Variants in SRGAP1 observed in about 807,000 individuals in gnomAD.
SRGAP1 encodes SLIT-ROBO Rho GTPase-activating protein 1.
A neutral mutation model predicts 121.9 loss-of-function variants in SRGAP1; 43 were observed. The ratio of observed to expected loss-of-function variants is 0.35; its 90% CI spans 0.28 to 0.46. The LOEUF is 0.46. Ranked by LOEUF, SRGAP1 falls within the 20% of genes least tolerant of loss-of-function variation. SRGAP1 has a pLI of 1.00. For synonymous variants in SRGAP1, 447 were observed against 485.4 expected (o/e 0.92, Z 1.04); for missense variants, 1,102 against 1,350.9 (o/e 0.82, Z 2.89).
At chr12:64,028,751 T>A (rs1258201271) in intron 4 of SRGAP1, among the ~76,000 whole-genome samples, 1 of 152,238 alleles carries the variant, frequency 6.6e-6, no homozygotes, top group South Asian at 2.1e-4. Context: ...CTCCCATGAC[T>A]GATCACCCTG....
At chr12:64,097,956 C>T (rs958422858) in intron 15 of SRGAP1, among the ~76,000 whole-genome samples, 16 of 152,040 alleles carry the variant, frequency 1.1e-4, no homozygotes, top group African/African-American at 3.9e-4. Context: ...TCAGTGGGGG[C>T]TTTTTGACAC....
At position 64,091,299 on chromosome 12, in the gene SRGAP1, C is replaced by G; in HGVS notation, c.1460C>G (p.Pro487Arg). Reference protein sequence around the residue: ...TTRPPNVPPKPQKHRKSRPRS... With the variant: ...TTRPPNVPPKRQKHRKSRPRS... Reference sequence around the variant, plus strand: ...AGGCCTCCAAATGTTCCCCCTAAGCCCCAGAAACACAGGAAGTCCAGGCCC... The same window carrying G: ...AGGCCTCCAAATGTTCCCCCTAAGCGCCAGAAACACAGGAAGTCCAGGCCC... Residue 487 changes from proline to arginine, a missense_variant, in exon 12 of 22, where the codon CCC (proline) becomes CGC (arginine). Transcript: ENST00000355086. The G allele has an allele frequency of 6.2e-7, 1 of 1,609,098 alleles. No homozygotes were observed. Among genetic ancestry groups the G allele is most frequent in the East Asian group, 2.2e-5 (1 of 44,772 alleles).
At chr12:64,140,835 C>A (rs1214977383) in intron 21 of SRGAP1, among the ~76,000 whole-genome samples, 7 of 131,640 alleles carry the variant, frequency 5.3e-5, no homozygotes, top group Non-Finnish European at 1.1e-4. Flanking sequence ...ATGTTTATTG[C>A]GGCATTATTC....
chr12:64,033,749 CG>C (rs2136491244), intron 4 of SRGAP1, among the ~76,000 whole-genome samples: 1 of 151,706 alleles, frequency 6.6e-6, no homozygotes, highest in South Asian at 2.1e-4. Context: ...AGACTGGGTG[CG>C]ATGGCTCACG....
chr12:64,099,521 G>T (rs1209168282), intron 15 of SRGAP1, among the ~76,000 whole-genome samples: 2 of 152,142 alleles, frequency 1.3e-5, no homozygotes, highest in South Asian at 4.1e-4. Flanking sequence ...CTCCAGTTGG[G>T]TATGAATTTC....
At chr12:63,967,880 A>G (rs2032832943) in intron 1 of SRGAP1, among the ~76,000 whole-genome samples, 1 of 152,334 alleles carries the variant, frequency 6.6e-6, no homozygotes, top group East Asian at 1.9e-4. Context: ...CATCCTGAGA[A>G]ACAGTTCCAG....
intron 1 of SRGAP1, among the ~76,000 whole-genome samples, chr12:63,950,480 T>C (rs1340969500): frequency 1.3e-5 from 2 of 152,212 alleles, no homozygotes; most frequent in African/African-American, 4.8e-5. Context: ...AGTCCATCTC[T>C]GTTTTCTGGC....
intron 18 of SRGAP1, 70 bp from the exon 19 acceptor site, chr12:64,125,907 C>A: frequency 6.6e-7 from 1 of 1,512,706 alleles, no homozygotes; most frequent in South Asian, 1.3e-5. Flanking sequence ...CTCATAGAGC[C>A]CTCACAGATA....
intron 3 of SRGAP1, among the ~76,000 whole-genome samples, chr12:64,012,227 A>G (rs1468610192): frequency 6.6e-6 from 1 of 152,240 alleles, no homozygotes. Context: ...CAAAATGACA[A>G]TAAACAGTAA....
chr12:63,946,589 G>A (rs1299206890), intron 1 of SRGAP1, among the ~76,000 whole-genome samples: 3 of 146,638 alleles, frequency 2.0e-5, no homozygotes, highest in Admixed American at 7.0e-5. Context: ...TCTCGCCCAC[G>A]CTGGAGTGCA....
At chr12:63,886,648 T>G (rs192285231) in intron 1 of SRGAP1, among the ~76,000 whole-genome samples, 134 of 152,150 alleles carry the variant, frequency 8.8e-4, no homozygotes, top group African/African-American at 3.2e-3. Context: ...ATTTTTTTAT[T>G]TTTTGTAGAT....
At chr12:64,068,640 AC>A (rs2136545382) in intron 8 of SRGAP1, among the ~76,000 whole-genome samples, 1 of 151,818 alleles carries the variant, frequency 6.6e-6, no homozygotes, top group East Asian at 2.0e-4. Context: ...TGGCCTGAAA[AC>A]TTTTGTTTGC....
chr12:63,911,272 C>G (rs2030483406), intron 1 of SRGAP1, among the ~76,000 whole-genome samples: 1 of 146,238 alleles, frequency 6.8e-6, no homozygotes, highest in Non-Finnish European at 1.5e-5. Flanking sequence ...GCACTCCAGC[C>G]TGGGCGACAG....
chr12:63,943,822 C>T (rs1309943995), intron 1 of SRGAP1, among the ~76,000 whole-genome samples: 1 of 152,030 alleles, frequency 6.6e-6, no homozygotes, highest in Non-Finnish European at 1.5e-5. Context: ...TAGGCATCAG[C>T]AGTACATGGC....
chr12:64,128,260 GAA>G (rs1423656307), intron 21 of SRGAP1, 60 bp downstream of exon 21: 20 of 1,412,856 alleles, frequency 1.4e-5, no homozygotes, highest in Non-Finnish European at 1.8e-5. Context: ...TAGGAGGTGT[GAA>G]AGATTTACTT....
At position 64,036,007 on chromosome 12, in the gene SRGAP1, G is replaced by T. The variant is rs371057185; in HGVS notation, c.490-6783G>T. 1.3e-4 allele frequency among the ~76,000 whole-genome samples: 20 copies of T among 152,164 alleles called. No homozygotes were observed. In the East Asian group the frequency reaches 3.5e-3, roughly 26 times the overall value. ...GGAGCTCAGGGGCATTAGGAAACTT[G>T]CCCACTTAAGAATTGATGGCACTGG... is the stretch of plus-strand genomic sequence containing the variant. On this transcript the variant is annotated intron_variant, in intron 4 of 21. Coordinates refer to ENST00000355086, the MANE Select transcript of SRGAP1 (RefSeq NM_020762.4).
At chr12:64,064,393 G>A (rs1050911757) in intron 7 of SRGAP1, among the ~76,000 whole-genome samples, 22 of 152,178 alleles carry the variant, frequency 1.4e-4, no homozygotes, top group Non-Finnish European at 7.3e-5. Flanking sequence ...TTGAGATCAT[G>A]GCCAAATATC....
intron 3 of SRGAP1, among the ~76,000 whole-genome samples, chr12:63,991,529 C>A (rs531983753): frequency 4.6e-5 from 7 of 152,134 alleles, no homozygotes; most frequent in Admixed American, 2.0e-4. Flanking sequence ...AAAGAAATAT[C>A]CTATGCGTCT....
At chr12:63,872,810 T>G (rs571789099) in intron 1 of SRGAP1, among the ~76,000 whole-genome samples, 1 of 152,262 alleles carries the variant, frequency 6.6e-6, no homozygotes, top group South Asian at 2.1e-4. Flanking sequence ...GGTTTTAAAG[T>G]TGAAAAGTAA....
Sources: gnomAD v4.1 joint callset for allele counts (sites outside exome capture counted in the v4.1 genomes callset) on GRCh38, gnomAD v4.1.1 for gene constraint, MANE v1.5 for transcripts, NCBI Gene and HGNC (gene_info 2026-07-23, HGNC 2026-07-21) for gene names.